Variants in ADGRL3 observed in about 807,000 individuals in gnomAD.
ADGRL3 encodes the protein adhesion G protein-coupled receptor L3, also known as calcium-independent alpha-latrotoxin receptor 3.
ADGRL3 carries 62 observed loss-of-function variants against 153.5 expected under a neutral mutation model. The ratio of observed to expected loss-of-function variants is 0.40; its 90% CI spans 0.33 to 0.50. ADGRL3 has a LOEUF of 0.50. Among genes scored for constraint, ADGRL3 ranks in the 20% least tolerant of loss-of-function variants. ADGRL3 has a pLI of 0.47. For missense variants in ADGRL3, 1,641 were observed against 1,859.4 expected (o/e 0.88, Z 2.16); for synonymous variants, 710 against 672.5 (o/e 1.06, Z -0.86).
At chr4:61,346,019 T>G (rs1214510358) in intron 1 of ADGRL3, among the ~76,000 whole-genome samples, 1 of 152,118 alleles carries the variant, frequency 6.6e-6, no homozygotes, top group East Asian at 1.9e-4. Flanking sequence ...CTTAGTACAT[T>G]CGAGGCCCAG....
chr4:61,629,534 T>C (rs989813610), intron 5 of ADGRL3, among the ~76,000 whole-genome samples: 1 of 151,100 alleles, frequency 6.6e-6, no homozygotes, highest in Non-Finnish European at 1.5e-5. Context: ...CTGGCCAACA[T>C]GGTAAAATCC....
chr4:62,030,666 T>G (rs939030582), intron 22 of ADGRL3, among the ~76,000 whole-genome samples: 1 of 151,584 alleles, frequency 6.6e-6, no homozygotes, highest in Non-Finnish European at 1.5e-5. Context: ...CCATCTTCAT[T>G]CTCAGCTTCA....
At chr4:61,884,576 T>C (rs901464052) in intron 9 of ADGRL3, among the ~76,000 whole-genome samples, 1 of 152,136 alleles carries the variant, frequency 6.6e-6, no homozygotes, top group Non-Finnish European at 1.5e-5. Flanking sequence ...AAAGATTACT[T>C]CCTCTACTCT....
intron 5 of ADGRL3, among the ~76,000 whole-genome samples, chr4:61,619,120 G>A (rs1349318924): frequency 6.6e-6 from 1 of 152,144 alleles, no homozygotes; most frequent in Non-Finnish European, 1.5e-5. Context: ...AATTTGTGGA[G>A]AAAGAAGCAA....
At chr4:61,793,538 ATG>A (rs1341679030) in intron 8 of ADGRL3, among the ~76,000 whole-genome samples, 1 of 152,176 alleles carries the variant, frequency 6.6e-6, no homozygotes, top group Non-Finnish European at 1.5e-5. Flanking sequence ...CTCCCACAGC[ATG>A]TGGGAATTGT....
chr4:61,387,867 G>A (rs1347701599), intron 2 of ADGRL3, among the ~76,000 whole-genome samples: 2 of 152,156 alleles, frequency 1.3e-5, no homozygotes, highest in African/African-American at 4.8e-5. Flanking sequence ...CAAGGGTATT[G>A]ATTGGGGAAG....
chr4:61,856,084 C>A (rs1295438904), intron 9 of ADGRL3, among the ~76,000 whole-genome samples: 1 of 152,092 alleles, frequency 6.6e-6, no homozygotes. Flanking sequence ...ATTCAAGGAA[C>A]TGGCCAAGGA....
chr4:61,392,414 C>T (rs1018242334), intron 2 of ADGRL3, among the ~76,000 whole-genome samples: 1 of 150,988 alleles, frequency 6.6e-6, no homozygotes, highest in Non-Finnish European at 1.5e-5. Context: ...GCGCCGGGTG[C>T]GGTGGCTCAC....
rs543669087 is a variant in ADGRL3, at chr4:61,495,887, G to A, written c.-173-1234G>A. 1.6e-4 allele frequency among the ~76,000 whole-genome samples: 24 copies of A among 152,282 alleles called. No individual in the cohort carries two copies. In the South Asian group the frequency reaches 5.0e-3, roughly 32 times the overall value. ...TTCAATTAACCTCTGTTGAATGAAT[G>A]ATGTTCGAACTGCATTTTAATTTAG... On this transcript the variant is annotated intron_variant, in intron 2 of 26. Coordinates refer to ENST00000683033, the MANE Select transcript of ADGRL3 (RefSeq NM_001387552.1).
intron 5 of ADGRL3, among the ~76,000 whole-genome samples, chr4:61,632,467 A>AT (rs1163337351): frequency 6.6e-6 from 1 of 151,806 alleles, no homozygotes; most frequent in Non-Finnish European, 1.5e-5. Context: ...TTCTACTTTC[A>AT]TTTTTTCTTC....
In ADGRL3 at chr4:62,077,722, T is replaced by G. The variant is rs977346607; in HGVS notation, c.*6814T>G. On this transcript the variant is annotated 3_prime_UTR_variant, in exon 27 of 27. Transcript: ENST00000683033. The stretch of plus-strand genomic sequence containing the variant: ...CATATTGAATGACATTTTGAATCAA[T>G]AAAAATGAGAAAAAAACATTTAAAT... 16 of 151,884 alleles carry G rather than the reference T, an allele frequency of 1.1e-4. No individual in the cohort carries two copies. The highest frequency in any genetic ancestry group is 3.6e-4 in the African/African-American group (15 of 41,404). 9.4% of individuals were successfully genotyped at this position (151,884 alleles called of 1,614,324 possible).
intron 1 of ADGRL3, among the ~76,000 whole-genome samples, chr4:61,309,125 A>G (rs1440093908): frequency 6.6e-6 from 1 of 152,214 alleles, no homozygotes; most frequent in Non-Finnish European, 1.5e-5. Flanking sequence ...AATGTTACTA[A>G]TTTCGACTTA....
In ADGRL3 at chr4:61,387,259, C is replaced by T. The variant is rs943683050; in HGVS notation, c.-174+4070C>T. Among the ~76,000 whole-genome samples the T allele has an allele frequency of 3.9e-5, 6 of 152,072 alleles. No individual in the cohort carries two copies. The South Asian group carries it at 1.0e-3, about 26-fold the overall frequency. ...AGTACTTAACAGGGTAATAGAATATCACAAGGCAAGTGGAGGCAGGGCAAG... is the reference window on the plus strand; with the variant it reads ...AGTACTTAACAGGGTAATAGAATATTACAAGGCAAGTGGAGGCAGGGCAAG... On this transcript the variant is annotated intron_variant, in intron 2 of 26. Transcript: ENST00000683033.
intron 2 of ADGRL3, among the ~76,000 whole-genome samples, chr4:61,468,935 C>G (rs1434827625): frequency 6.6e-6 from 1 of 152,068 alleles, no homozygotes; most frequent in African/African-American, 2.4e-5. Flanking sequence ...AGTATATATA[C>G]AAAGTTATAA....
chr4:61,644,326 T>G (rs2093849142), intron 5 of ADGRL3, among the ~76,000 whole-genome samples: 1 of 151,402 alleles, frequency 6.6e-6, no homozygotes, highest in African/African-American at 2.4e-5. Context: ...TCTTGCCTCC[T>G]GCTAGCTTTT....
intron 1 of ADGRL3, among the ~76,000 whole-genome samples, chr4:61,219,689 A>G (rs1744478696): frequency 6.6e-6 from 1 of 152,168 alleles, no homozygotes; most frequent in Non-Finnish European, 1.5e-5. Flanking sequence ...TAATGTAAAT[A>G]TTTTATTTTC....
At chr4:61,866,904 T>C (rs1235700650) in intron 9 of ADGRL3, among the ~76,000 whole-genome samples, 2 of 152,160 alleles carry the variant, frequency 1.3e-5, no homozygotes, top group African/African-American at 4.8e-5. Flanking sequence ...GTCCCTCTGC[T>C]TTTTTGAAGA....
intron 2 of ADGRL3, among the ~76,000 whole-genome samples, chr4:61,435,019 A>G (rs1327062354): frequency 1.3e-5 from 2 of 152,226 alleles, no homozygotes; most frequent in East Asian, 1.9e-4. Context: ...ACTGCAGAAC[A>G]TAGAATTCAT....
chr4:61,872,735 C>CT (rs891546107), intron 9 of ADGRL3, among the ~76,000 whole-genome samples: 2 of 151,642 alleles, frequency 1.3e-5, no homozygotes, highest in Non-Finnish European at 2.9e-5. Flanking sequence ...GTCTTCCCAA[C>CT]TTTCCTTGAC....
Sources: allele counts gnomAD v4.1 joint callset (sites outside exome capture counted in the v4.1 genomes callset), GRCh38; gene constraint gnomAD v4.1.1; transcripts MANE v1.5; gene names NCBI Gene and HGNC (gene_info 2026-07-23, HGNC 2026-07-21).